CA10: variants seen among roughly 807,000 people sequenced by gnomAD.
CA10 encodes carbonic anhydrase 10 (inactive), also known as carbonic anhydrase-related protein 10.
In CA10, 14 loss-of-function variants were observed where a neutral mutation model predicts 44.2. That is an observed-to-expected ratio of 0.32 (90% confidence interval 0.21 to 0.50). CA10 has a LOEUF of 0.50. Ranked by LOEUF, CA10 falls within the 20% of genes least tolerant of loss-of-function variation. The pLI, the probability that CA10 is intolerant of heterozygous loss-of-function variation, is 0.99. For missense variants in CA10, 350 were observed against 409.7 expected, an observed-to-expected ratio of 0.85 and a Z score of 1.26; for synonymous variants, 159 against 141.6, an observed-to-expected ratio of 1.12 and a Z score of -0.87.
At chr17:51,754,437 A>ATATG (rs1555595815) in intron 3 of CA10, among the ~76,000 whole-genome samples, 2 of 129,266 alleles carry the variant, frequency 1.5e-5, no homozygotes, top group East Asian at 4.3e-4. Flanking sequence ...ATATATATAT[A>ATATG]TATATATATA....
At chr17:51,670,855 A>T (rs1257057202) in intron 4 of CA10, among the ~76,000 whole-genome samples, 1 of 152,200 alleles carries the variant, frequency 6.6e-6, no homozygotes, top group Non-Finnish European at 1.5e-5. Context: ...ATGCTAAGTA[A>T]TGTATCCAGG....
chr17:52,009,660 G>C (rs1985718058), intron 2 of CA10, among the ~76,000 whole-genome samples: 1 of 152,008 alleles, frequency 6.6e-6, no homozygotes, highest in Non-Finnish European at 1.5e-5. Flanking sequence ...ATAATTCTGA[G>C]ATGTTTAATT....
At chr17:51,884,696 C>T (rs926388243) in intron 3 of CA10, among the ~76,000 whole-genome samples, 5 of 152,208 alleles carry the variant, frequency 3.3e-5, no homozygotes, top group African/African-American at 4.8e-5. Flanking sequence ...GGAGGCTTAG[C>T]GCAAACTGGG....
chr17:52,005,321 G>A (rs1268313081), intron 2 of CA10, among the ~76,000 whole-genome samples: 1 of 151,840 alleles, frequency 6.6e-6, no homozygotes, highest in Non-Finnish European at 1.5e-5. Context: ...GAAGTTACTG[G>A]AATCTTTAAA....
At chr17:52,007,380 G>C (rs1985636211) in intron 2 of CA10, among the ~76,000 whole-genome samples, 1 of 151,394 alleles carries the variant, frequency 6.6e-6, no homozygotes, top group Non-Finnish European at 1.5e-5. Context: ...GAATGTTGGT[G>C]GATACTCTTC....
At chr17:52,066,932 A>T (rs1429011864) in intron 2 of CA10, among the ~76,000 whole-genome samples, 2 of 152,208 alleles carry the variant, frequency 1.3e-5, no homozygotes, top group Non-Finnish European at 2.9e-5. Context: ...TCAATTTTAT[A>T]CATTCATAAA....
chr17:51,731,378 G>GA (rs1437449678), intron 4 of CA10, among the ~76,000 whole-genome samples: 1 of 151,696 alleles, frequency 6.6e-6, no homozygotes, highest in Admixed American at 6.6e-5. Context: ...TCCGTCTCAA[G>GA]AAAAAAAGAA....
At chr17:52,077,022 A>T (rs1266306168) in intron 1 of CA10, among the ~76,000 whole-genome samples, 1 of 152,230 alleles carries the variant, frequency 6.6e-6, no homozygotes, top group Non-Finnish European at 1.5e-5. Context: ...CTGCCAGAGG[A>T]AAAGATATAC....
chr17:52,048,867 T>C (rs575281040), intron 2 of CA10, among the ~76,000 whole-genome samples: 2 of 151,944 alleles, frequency 1.3e-5, no homozygotes, highest in South Asian at 4.2e-4. Context: ...CTACAAGAAA[T>C]GGGAGGTCAT....
At position 51,770,269 on chromosome 17, in the gene CA10, G is replaced by A. The variant is rs143506546; in HGVS notation, c.280-22451C>T. Among the ~76,000 whole-genome samples the A allele has an allele frequency of 2.4e-3, 357 of 151,048 alleles. 2 individuals carry two copies. The highest frequency in any genetic ancestry group is 0.017 in the Middle Eastern group (5 of 294). ...AAAGCTTTCCAGGCATGACTTCTACGTTATTCTCTAAATCATAGTTATCTG... is the reference window on the plus strand; with the variant it reads ...AAAGCTTTCCAGGCATGACTTCTACATTATTCTCTAAATCATAGTTATCTG... On this transcript the variant is annotated intron_variant, in intron 3 of 8. Transcript: ENST00000451037.
chr17:51,679,483 G>T (rs910499446), intron 4 of CA10, among the ~76,000 whole-genome samples: 1 of 151,544 alleles, frequency 6.6e-6, no homozygotes, highest in Admixed American at 6.6e-5. Context: ...GGATGGTCTT[G>T]ATCTCCTGAC....
intron 3 of CA10, among the ~76,000 whole-genome samples, chr17:51,928,069 G>A (rs1982502073): frequency 6.6e-6 from 1 of 152,070 alleles, no homozygotes; most frequent in African/African-American, 2.4e-5. Flanking sequence ...AAATGTTTGG[G>A]ATCATAAGTG....
intron 1 of CA10, among the ~76,000 whole-genome samples, chr17:52,095,164 A>C (rs1321151280): frequency 6.6e-6 from 1 of 152,188 alleles, no homozygotes. Flanking sequence ...TCCTACCTTG[A>C]ACAACATAGG....
At chr17:52,058,058 G>A (rs959351762) in intron 2 of CA10, among the ~76,000 whole-genome samples, 1 of 152,060 alleles carries the variant, frequency 6.6e-6, no homozygotes, top group African/African-American at 2.4e-5. Flanking sequence ...TGGCTGCAAC[G>A]TGACCCAAAC....
chr17:52,102,006 A>T (rs1466333268), intron 1 of CA10, among the ~76,000 whole-genome samples: 1 of 151,732 alleles, frequency 6.6e-6, no homozygotes, highest in African/African-American at 2.4e-5. Context: ...TTTGGAGTGC[A>T]TATTGTTTCC....
intron 3 of CA10, among the ~76,000 whole-genome samples, chr17:51,888,255 AAAAAG>A (rs1567874158): frequency 6.6e-6 from 1 of 152,156 alleles, no homozygotes; most frequent in Non-Finnish European, 1.5e-5. Context: ...AGAAATAGAA[AAAAAG>A]AAAAGATACA....
At chr17:51,639,136 G>T (rs1346743447) in intron 6 of CA10, among the ~76,000 whole-genome samples, 1 of 152,144 alleles carries the variant, frequency 6.6e-6, no homozygotes, top group African/African-American at 2.4e-5. Context: ...ACTTAATGAG[G>T]CTTGCTCTGA....
At chr17:52,033,994 G>T (rs1429500447) in intron 2 of CA10, among the ~76,000 whole-genome samples, 2 of 152,210 alleles carry the variant, frequency 1.3e-5, no homozygotes, top group Non-Finnish European at 2.9e-5. Flanking sequence ...CAAACTCATA[G>T]AAGCAGAGTG....
At chr17:51,844,896 T>C (rs1329305467) in intron 3 of CA10, among the ~76,000 whole-genome samples, 2 of 152,248 alleles carry the variant, frequency 1.3e-5, no homozygotes, top group South Asian at 2.1e-4. Flanking sequence ...TATTAAGAAA[T>C]AGGGTCTTTG....
Sources: gnomAD v4.1 joint callset for allele counts (sites outside exome capture counted in the v4.1 genomes callset) on GRCh38, gnomAD v4.1.1 for gene constraint, MANE v1.5 for transcripts, NCBI Gene and HGNC (gene_info 2026-07-23, HGNC 2026-07-21) for gene names.